Variants in FKBP14 observed in about 807,000 individuals in gnomAD.
The protein encoded by FKBP14 is peptidyl-prolyl cis-trans isomerase FKBP14.
FKBP14 carries 20 observed loss-of-function variants against 21.6 expected under a neutral mutation model. The observed-to-expected ratio is 0.92, with a 90% CI of 0.65 to 1.34. The LOEUF (loss-of-function observed/expected upper bound fraction) is 1.34. FKBP14 is among the 40% of genes most tolerant of loss of function. FKBP14 has a pLI of 0.00. For synonymous variants in FKBP14, 79 were observed against 86.7 expected (o/e 0.91, Z 0.49); for missense variants, 253 against 249.0 (o/e 1.02, Z -0.11).
downstream of FKBP14, among the ~76,000 whole-genome samples, chr7:30,007,211 GTTTT>G (rs10716152): frequency 3.1e-5 from 4 of 129,186 alleles, no homozygotes; most frequent in Admixed American, 2.3e-4. Flanking sequence ...AAGTTCCTTT[GTTTT>G]TTTTTTTTTT....
chr7:30,016,434 C>T (rs1246281205), intron 3 of FKBP14, among the ~76,000 whole-genome samples: 4 of 151,838 alleles, frequency 2.6e-5, no homozygotes, highest in Non-Finnish European at 5.9e-5. Context: ...TGCTCTGTCA[C>T]GCAGGCTGGA....
downstream of FKBP14, among the ~76,000 whole-genome samples, chr7:30,006,116 CTTTTTT>C (rs67895228): frequency 9.1e-6 from 1 of 110,352 alleles, no homozygotes. Context: ...TTAGGATAGT[CTTTTTT>C]TTTTTTTTTT....
rs1301643372 is a variant in FKBP14 at position 30,010,946 on chromosome 7, C to T, written c.*3789G>A. ...ATGTGTGTTTTAAGCTACGTTATTA[C>T]TAGAAGAGTCCAAAAATTGTTTTTA... On this transcript the variant is annotated 3_prime_UTR_variant, in exon 4 of 4. Transcript: ENST00000222803. 6.6e-6 allele frequency: 1 copy of T among 152,056 alleles called. No homozygotes were observed. Among genetic ancestry groups the T allele is most frequent in the Non-Finnish European group, 1.5e-5 (1 of 68,022 alleles). The allele number at this position is 152,056 out of a possible 1,614,324, so 9.4% of individuals were successfully genotyped here.
At chr7:30,026,169 T>C in intron 1 of FKBP14, 143 bp downstream of exon 1, 1 of 815,620 alleles carries the variant, frequency 1.2e-6, no homozygotes. Flanking sequence ...CTTTAAACAA[T>C]TTCCTTTCCC....
Position 30,026,296 on chromosome 7 carries a change from G to A in FKBP14, c.197+16C>T, listed in dbSNP as rs375347830. ...ATTCTTAATTACTATTTTACCTGCG[G>A]GGCATAATTACTTACGTGGAGTGAA... On this transcript the variant is annotated intron_variant, in intron 1 of 3. Coordinates refer to ENST00000222803, the MANE Select transcript of FKBP14 (RefSeq NM_017946.4). 106 of 1,588,544 alleles carry A rather than the reference G, an allele frequency of 6.7e-5. No individual in the cohort carries two copies. In the East Asian group the frequency reaches 9.2e-4, roughly 14 times the overall value.
Position 30,010,898 on chromosome 7 carries a change from A to G in FKBP14, c.*3837T>C, listed in dbSNP as rs1364623435. On this transcript the variant is annotated 3_prime_UTR_variant, in exon 4 of 4. Coordinates refer to ENST00000222803, the MANE Select transcript of FKBP14 (RefSeq NM_017946.4). Reference sequence around the variant, plus strand: ...AGCTTATATAATAAGGATATAAGGAAAATATTTTTGTACAGCTATGCAATG... The same window carrying G: ...AGCTTATATAATAAGGATATAAGGAGAATATTTTTGTACAGCTATGCAATG... 6.6e-6 allele frequency: 1 copy of G among 152,228 alleles called. No homozygotes were observed. The highest frequency in any genetic ancestry group is 2.4e-5 in the African/African-American group (1 of 41,458). 9.4% of individuals were successfully genotyped at this position (152,228 alleles called of 1,614,324 possible). A position where few individuals can be genotyped will look rare whatever the true frequency, so the allele number is the denominator to read the frequency against.
intron 2 of FKBP14, chr7:30,020,324 T>C: frequency 8.0e-7 from 1 of 1,242,744 alleles, no homozygotes; most frequent in Non-Finnish European, 1.1e-6. Flanking sequence ...TAGTGTTAAA[T>C]ACAGATTAGA....
At chr7:30,006,468 A>G (rs951982269), downstream of FKBP14, among the ~76,000 whole-genome samples, 2 of 151,400 alleles carry the variant, frequency 1.3e-5, no homozygotes, top group African/African-American at 4.9e-5. Context: ...CTGCTTGAAC[A>G]TTCTTCTACA....
intron 2 of FKBP14, among the ~76,000 whole-genome samples, chr7:30,019,961 C>A (rs946806463): frequency 2.6e-5 from 4 of 152,030 alleles, no homozygotes; most frequent in Admixed American, 6.6e-5. Flanking sequence ...AATTAAAAAT[C>A]TTTAAAAGTG....
In FKBP14 at chr7:30,026,494, CAAGAAA is replaced by C; in HGVS notation, c.9_14del (p.Phe4_Leu5del). The stretch of plus-strand genomic sequence containing the variant: ...CGAACAGAGTCAAGACCGCGTTCCA[CAAGAAA>C]AGCCTCATGTTGCTGAAGCAAGGAA... On this transcript the variant is annotated inframe_deletion, in exon 1 of 4. Transcript: ENST00000222803. 1.2e-6 allele frequency: 2 copies of C among 1,610,946 alleles called. No homozygotes were observed. Among genetic ancestry groups the C allele is most frequent in the Non-Finnish European group, 1.7e-6 (2 of 1,178,660 alleles).
chr7:30,025,688 A>G (rs989868717), intron 1 of FKBP14: 1 of 152,256 alleles, frequency 6.6e-6, no homozygotes, highest in Non-Finnish European at 1.5e-5. Context: ...TGATAGTGTA[A>G]CCACCTGAAA....
Position 30,014,672 on chromosome 7 carries a change from T to TCA in FKBP14, c.*62_*63insTG. Reference sequence around the variant, plus strand: ...AAGAACATTGTATAAAAATAAAATGTTCTTTAAAGATGACTGCCCTCTCTT... The same window carrying TCA: ...AAGAACATTGTATAAAAATAAAATGTCATCTTTAAAGATGACTGCCCTCTCTT... On this transcript the variant is annotated 3_prime_UTR_variant, in exon 4 of 4. Coordinates refer to ENST00000222803, the MANE Select transcript of FKBP14 (RefSeq NM_017946.4). 9.3e-7 allele frequency: 1 copy of TCA among 1,070,058 alleles called. No individual in the cohort carries two copies. The highest frequency in any genetic ancestry group is 1.6e-5 in the African/African-American group (1 of 61,632). 66.3% of individuals were successfully genotyped at this position (1,070,058 alleles called of 1,614,324 possible).
Position 30,022,660 on chromosome 7 carries a change from A to G in FKBP14, c.349+5T>C, listed in dbSNP as rs1308942045. Reference sequence around the variant, plus strand: ...ATAGTAAGAAAAATACAGAAATACTATTACCTTTTCCTTCTTTTCCATAGC... The same window carrying G: ...ATAGTAAGAAAAATACAGAAATACTGTTACCTTTTCCTTCTTTTCCATAGC... On this transcript the variant is annotated splice_donor_5th_base_variant and intron_variant, in intron 2 of 3. Coordinates refer to ENST00000222803, the MANE Select transcript of FKBP14 (RefSeq NM_017946.4). The G allele has an allele frequency of 7.5e-6, 12 of 1,610,408 alleles. No individual in the cohort carries two copies. The highest frequency in any genetic ancestry group is 1.0e-5 in the Non-Finnish European group (12 of 1,178,932).
intron 3 of FKBP14, among the ~76,000 whole-genome samples, chr7:30,016,997 T>G (rs181888939): frequency 5.7e-4 from 86 of 152,208 alleles, no homozygotes; most frequent in Admixed American, 5.0e-3. Context: ...ATATATTGTG[T>G]GAATAAAGCA....
intron 3 of FKBP14, among the ~76,000 whole-genome samples, chr7:30,017,187 ACAG>A (rs1298322587): frequency 2.6e-5 from 4 of 151,866 alleles, no homozygotes; most frequent in Non-Finnish European, 5.9e-5. Context: ...AAAAAAAAAA[ACAG>A]AAAGAAAGAA....
Position 30,014,850 on chromosome 7 carries a change from A to G in FKBP14, c.521T>C (p.Val174Ala). ...LKKEFEKHGA[V>A]VNESHHDALV... Reference sequence around the variant, plus strand: ...AGCATCATGATGACTTTCATTCACCACCGCACCATGTTTTTCAAACTCCTT... The same window carrying G: ...AGCATCATGATGACTTTCATTCACCGCCGCACCATGTTTTTCAAACTCCTT... The change falls in exon 4 of 4, where the codon GTG (valine) becomes GCG (alanine). Residue 174 changes from valine to alanine, a missense_variant. By Grantham distance (64) the Val-to-Ala change is moderately conservative. Coordinates refer to ENST00000222803, the MANE Select transcript of FKBP14 (RefSeq NM_017946.4). 1.9e-6 allele frequency: 3 copies of G among 1,603,748 alleles called. No individual in the cohort carries two copies. Among genetic ancestry groups the G allele is most frequent in the Non-Finnish European group, 2.5e-6 (3 of 1,177,586 alleles).
Position 30,026,662 on chromosome 7 carries a change from C to G in FKBP14, c.-154G>C. On this transcript the variant is annotated 5_prime_UTR_variant, in exon 1 of 4. Coordinates refer to ENST00000222803, the MANE Select transcript of FKBP14 (RefSeq NM_017946.4). ...AGACGTGGCACATTTACCACCAACT[C>G]TTTTCTCAAGGGTCACGAACCTACC... The G allele has an allele frequency of 6.1e-6, 4 of 651,266 alleles. No homozygotes were observed. The highest frequency in any genetic ancestry group is 1.0e-5 in the Non-Finnish European group (4 of 393,818). 40.3% of individuals were successfully genotyped at this position (651,266 alleles called of 1,614,324 possible).
chr7:30,016,754 ATT>A (rs1379513544), intron 3 of FKBP14, among the ~76,000 whole-genome samples: 1 of 152,132 alleles, frequency 6.6e-6, no homozygotes, highest in Non-Finnish European at 1.5e-5. Context: ...TTCCCACAAG[ATT>A]CACCACAATG....
chr7:30,008,457 A>G (rs1789651047), downstream of FKBP14: 1 of 152,410 alleles, frequency 6.6e-6, no homozygotes, highest in Non-Finnish European at 1.5e-5. Flanking sequence ...ACGGTGGCTC[A>G]TGCCTGTAAT....
Sources: gnomAD v4.1 joint callset for allele counts (sites outside exome capture counted in the v4.1 genomes callset) on GRCh38, gnomAD v4.1.1 for gene constraint, MANE v1.5 for transcripts, NCBI Gene and HGNC (gene_info 2026-07-23, HGNC 2026-07-21) for gene names.